The following GPR39 variants were observed in gnomAD, a reference collection of about 807,000 sequenced individuals.
GPR39 encodes the protein zinc sensing receptor.
A neutral mutation model predicts 18.4 loss-of-function variants in GPR39; 23 were observed. The ratio of observed to expected loss-of-function variants is 1.25; its 90% CI spans 0.90 to 1.77. The LOEUF (loss-of-function observed/expected upper bound fraction) is 1.77, where lower values mean the gene tolerates loss of function less well. Ranked by LOEUF, GPR39 falls within the 40% of genes most tolerant of loss-of-function variation. GPR39 has a pLI of 0.00. For missense variants in GPR39, 647 were observed against 602.4 expected, an observed-to-expected ratio of 1.07 and a Z score of -0.78; for synonymous variants, 280 against 257.9, an observed-to-expected ratio of 1.09 and a Z score of -0.82.
rs377745711 is a variant in GPR39, at chr2:132,490,434, G to A, written c.856+72536G>A. Among the ~76,000 whole-genome samples, 28 of 151,846 alleles carry A rather than the reference G, an allele frequency of 1.8e-4. No individual in the cohort carries two copies. In the South Asian group the frequency reaches 5.6e-3, roughly 30 times the overall value. ...AGATTTAGACCGAGGAGGTTTATTC[G>A]ATATTTAACGTATACTTAATGGTCA... On this transcript the variant is annotated intron_variant, in intron 1 of 1. Coordinates refer to ENST00000329321, the MANE Select transcript of GPR39 (RefSeq NM_001508.3).
chr2:132,613,390 C>T (rs114854168), intron 1 of GPR39, among the ~76,000 whole-genome samples: 290 of 152,310 alleles, frequency 1.9e-3, no homozygotes, highest in African/African-American at 6.8e-3. Context: ...CTCCATCCTC[C>T]TTAGGCAAAA....
chr2:132,467,015 A>T (rs1443517589), intron 1 of GPR39, among the ~76,000 whole-genome samples: 1 of 152,208 alleles, frequency 6.6e-6, no homozygotes, highest in Non-Finnish European at 1.5e-5. Flanking sequence ...TGGTGCTTAT[A>T]TGTGTTTGCT....
In GPR39 at chr2:132,421,930, C is replaced by T. The variant is rs1680017661; in HGVS notation, c.856+4032C>T. On this transcript the variant is annotated intron_variant, in intron 1 of 1. Coordinates refer to ENST00000329321, the MANE Select transcript of GPR39 (RefSeq NM_001508.3). ...CTGAAAAGAACTCATAAAGTTGGTTCCTTTAAAGTGGGGTTGAAAACATTT... is the reference window on the plus strand; with the variant it reads ...CTGAAAAGAACTCATAAAGTTGGTTTCTTTAAAGTGGGGTTGAAAACATTT... Among the ~76,000 whole-genome samples, 3 of 151,934 alleles carry T rather than the reference C, an allele frequency of 2.0e-5. No homozygotes were observed. In the South Asian group the frequency reaches 6.2e-4, roughly 32 times the overall value.
intron 1 of GPR39, among the ~76,000 whole-genome samples, chr2:132,611,868 A>G (rs544718914): frequency 6.6e-6 from 1 of 152,180 alleles, no homozygotes; most frequent in African/African-American, 2.4e-5. Context: ...CCTTAAATGC[A>G]GTTAGTGAAG....
Position 132,646,368 on chromosome 2 carries a change from T to G in GPR39, c.*762T>G. 1.2e-6 allele frequency: 1 copy of G among 847,420 alleles called. No homozygotes were observed. Among genetic ancestry groups the G allele is most frequent in the East Asian group, 3.2e-5 (1 of 31,126 alleles). 52.5% of individuals were successfully genotyped at this position (847,420 alleles called of 1,614,324 possible). On this transcript the variant is annotated 3_prime_UTR_variant, in exon 2 of 2. Transcript: ENST00000329321. ...CAGCCCAAATCCAAACGGACAGCTC[T>G]TCCTTACTCCTCCCACAGCCCAGAG...
intron 1 of GPR39, among the ~76,000 whole-genome samples, chr2:132,568,990 TG>T (rs1680396903): frequency 6.6e-6 from 1 of 152,174 alleles, no homozygotes; most frequent in Admixed American, 6.5e-5. Context: ...CTGGTCACTG[TG>T]TGAATTGACT....
At chr2:132,543,648 C>A (rs1003346230) in intron 1 of GPR39, among the ~76,000 whole-genome samples, 1 of 152,066 alleles carries the variant, frequency 6.6e-6, no homozygotes, top group Admixed American at 6.5e-5. Context: ...TGGGTTAGGT[C>A]CTAGCAGCCA....
chr2:132,645,650 C>CT lies in GPR39; in HGVS notation c.*45dup. The CT allele has an allele frequency of 6.4e-7, 1 of 1,571,172 alleles. No individual in the cohort carries two copies. The highest frequency in any genetic ancestry group is 8.6e-7 in the Non-Finnish European group (1 of 1,160,650). On this transcript the variant is annotated 3_prime_UTR_variant, in exon 2 of 2. Coordinates refer to ENST00000329321, the MANE Select transcript of GPR39 (RefSeq NM_001508.3). Reference sequence around the variant, plus strand: ...TTGAGTGGGAACTGGCCCTCCAGCCCTAAGAAAACGTCACTCTCACTCTGC... The same window carrying CT: ...TTGAGTGGGAACTGGCCCTCCAGCCCTTAAGAAAACGTCACTCTCACTCTGC...
chr2:132,453,746 C>T lies in GPR39; in HGVS notation c.856+35848C>T, dbSNP rs115490032. ...ATTTATTAAATAGGGATGCCCTTTC[C>T]CCATTTCTTGTTTTTGTCAGGTTGG... On this transcript the variant is annotated intron_variant, in intron 1 of 1. Transcript: ENST00000329321. 8.9e-3 allele frequency among the ~76,000 whole-genome samples: 1,361 copies of T among 152,252 alleles called. 18 individuals are homozygous for T. The highest frequency in any genetic ancestry group is 0.03 in the African/African-American group (1,264 of 41,550).
chr2:132,572,827 G>A (rs1477646551), intron 1 of GPR39, among the ~76,000 whole-genome samples: 1 of 152,172 alleles, frequency 6.6e-6, no homozygotes, highest in Non-Finnish European at 1.5e-5. Flanking sequence ...AATTGATTGT[G>A]GTTTGTCTTT....
chr2:132,626,340 C>T (rs2104865030), intron 1 of GPR39, among the ~76,000 whole-genome samples: 1 of 152,234 alleles, frequency 6.6e-6, no homozygotes, highest in East Asian at 1.9e-4. Flanking sequence ...AGGCCCTGGC[C>T]TGGAAGCTGG....
chr2:132,624,341 C>G (rs1247852289), intron 1 of GPR39, among the ~76,000 whole-genome samples: 1 of 152,114 alleles, frequency 6.6e-6, no homozygotes, highest in Non-Finnish European at 1.5e-5. Context: ...TCGTTAAGAC[C>G]CTATCTCCAA....
At chr2:132,607,386 G>A (rs1021070974) in intron 1 of GPR39, among the ~76,000 whole-genome samples, 1 of 152,148 alleles carries the variant, frequency 6.6e-6, no homozygotes, top group Non-Finnish European at 1.5e-5. Flanking sequence ...TTCCCTTAAG[G>A]AGTATGAAAT....
At chr2:132,454,570 G>A (rs1680685524) in intron 1 of GPR39, among the ~76,000 whole-genome samples, 1 of 152,178 alleles carries the variant, frequency 6.6e-6, no homozygotes, top group African/African-American at 2.4e-5. Flanking sequence ...AGTTTTCAAA[G>A]GGAATACTTC....
chr2:132,557,003 A>T (rs1188519936), intron 1 of GPR39, among the ~76,000 whole-genome samples: 1 of 152,152 alleles, frequency 6.6e-6, no homozygotes, highest in African/African-American at 2.4e-5. Flanking sequence ...GCTGTTTATC[A>T]CATTGAACTG....
At chr2:132,608,590 C>G (rs1681182397) in intron 1 of GPR39, among the ~76,000 whole-genome samples, 1 of 152,232 alleles carries the variant, frequency 6.6e-6, no homozygotes, top group Admixed American at 6.5e-5. Flanking sequence ...CTGGCCACTG[C>G]TAAGCAGGTA....
Position 132,492,634 on chromosome 2 carries a change from CACACCATCTATATATA to C in GPR39, c.856+74738_856+74753del, listed in dbSNP as rs1558814483. ...ACCATCTATATATACAATATATATA[CACACCATCTATATATA>C]ATATATATACACACCATATATATAT... On this transcript the variant is annotated intron_variant, in intron 1 of 1. Coordinates refer to ENST00000329321, the MANE Select transcript of GPR39 (RefSeq NM_001508.3). Among the ~76,000 whole-genome samples, 27 of 137,216 alleles carry C rather than the reference CACACCATCTATATATA, an allele frequency of 2.0e-4. 2 individuals carry two copies. The highest frequency in any genetic ancestry group is 7.2e-4 in the African/African-American group (26 of 35,864). The allele number at this position is 137,216 out of a possible 152,430, so 90.0% of individuals were successfully genotyped here.
intron 1 of GPR39, among the ~76,000 whole-genome samples, chr2:132,618,196 G>A (rs1362512397): frequency 6.6e-6 from 1 of 152,186 alleles, no homozygotes; most frequent in Admixed American, 6.5e-5. Context: ...TGTGTGTTCT[G>A]CCAGCCAGTC....
chr2:132,530,899 A>G lies in GPR39; in HGVS notation c.856+113001A>G, dbSNP rs6727320. On this transcript the variant is annotated intron_variant, in intron 1 of 1. Coordinates refer to ENST00000329321, the MANE Select transcript of GPR39 (RefSeq NM_001508.3). Reference sequence around the variant, plus strand: ...AACTTGTACCAGCCACTGCAAAAACATGCCAAATTGTAAAGACCATCAAGG... The same window carrying G: ...AACTTGTACCAGCCACTGCAAAAACGTGCCAAATTGTAAAGACCATCAAGG... Among the ~76,000 whole-genome samples, 851 of 152,324 alleles carry G rather than the reference A, an allele frequency of 5.6e-3. 7 individuals are homozygous for G. Among genetic ancestry groups the G allele is most frequent in the African/African-American group, 0.02 (816 of 41,566 alleles).
Sources: allele counts gnomAD v4.1 joint callset (sites outside exome capture counted in the v4.1 genomes callset), GRCh38; gene constraint gnomAD v4.1.1; transcripts MANE v1.5; gene names NCBI Gene and HGNC (gene_info 2026-07-23, HGNC 2026-07-21).